WDR36: variants seen among roughly 807,000 people sequenced by gnomAD.
WDR36 encodes WD repeat domain 36, also known as WD repeat-containing protein 36.
In WDR36, 63 loss-of-function variants were observed where a neutral mutation model predicts 112.7. That is an observed-to-expected ratio of 0.56 (90% CI 0.46 to 0.69). The LOEUF (loss-of-function observed/expected upper bound fraction) is 0.69, where lower values mean the gene tolerates loss of function less well. WDR36 is among the 30% of genes least tolerant of loss of function. The probability of loss-of-function intolerance (pLI) is 0.00; values close to 1 mark genes in which losing one functional copy is unlikely to be tolerated. For missense variants in WDR36, 1,226 were observed against 1,070.3 expected (o/e 1.15, Z -2.03); for synonymous variants, 410 against 362.2 (o/e 1.13, Z -1.50).
In WDR36 at chr5:111,129,475, G is replaced by A. The variant is rs533723449; in HGVS notation, c.*2592G>A. On this transcript the variant is annotated 3_prime_UTR_variant, in exon 23 of 23. Coordinates refer to ENST00000513710, the MANE Select transcript of WDR36 (RefSeq NM_139281.3). ...TTTAAATCAGAAATTTCTCACTAGT[G>A]AAGATGGACATATTTTTGTATGTTT... 6.2e-5 allele frequency: 12 copies of A among 192,962 alleles called. No homozygotes were observed. The highest frequency in any genetic ancestry group is 2.5e-4 in the African/African-American group (11 of 43,210). The allele number at this position is 192,962 out of a possible 1,614,324, so 12.0% of individuals were successfully genotyped here. A position where few individuals can be genotyped will look rare whatever the true frequency, so the allele number is the denominator to read the frequency against.
intron 4 of WDR36, among the ~76,000 whole-genome samples, chr5:111,100,300 C>G (rs1422634558): frequency 2.0e-5 from 3 of 150,882 alleles, no homozygotes; most frequent in Admixed American, 1.3e-4. Flanking sequence ...TTTTTTTTAA[C>G]TTTATTATCC....
chr5:111,102,586 A>G (rs1753142735), intron 6 of WDR36, among the ~76,000 whole-genome samples, 187 bp downstream of exon 6: 1 of 151,800 alleles, frequency 6.6e-6, no homozygotes, highest in Non-Finnish European at 1.5e-5. Context: ...TGCCTTTGCC[A>G]ATAACACTTA....
At position 111,099,463 on chromosome 5, in the gene WDR36, G is replaced by GTTTTTTTTTTT. The variant is rs67437234; in HGVS notation, c.409+635_409+645dup. On this transcript the variant is annotated intron_variant, in intron 4 of 22. Transcript: ENST00000513710. The stretch of plus-strand genomic sequence containing the variant: ...TTGGTTTTTTTTTGTTTTTTTTTTT[G>GTTTTTTTTTTT]TTTTTTTTTTTTTTTTTTTTTCAGT... Among the ~76,000 whole-genome samples the GTTTTTTTTTTT allele has an allele frequency of 4.1e-3, 347 of 84,676 alleles. 2 individuals carry two copies. Among genetic ancestry groups the GTTTTTTTTTTT allele is most frequent in the Non-Finnish European group, 5.9e-3 (238 of 40,232 alleles). 55.6% of individuals were successfully genotyped at this position (84,676 alleles called of 152,430 possible).
rs781534721 is a variant in WDR36 at position 111,098,740 on chromosome 5, G to A, written c.310G>A (p.Gly104Ser). Residue 104 changes from glycine to serine, a missense_variant, in exon 4 of 23, where the codon GGT becomes AGT. Gly to Ser is a moderately conservative substitution (Grantham distance 56, BLOSUM62 0). Transcript: ENST00000513710. ...GTTTTAGATAGTACATACCTTTAAG[G>A]GTCATAAGGCAGAAATCCATTTCTT... ...RNKEIVHTFK[G>S]HKAEIHFLQP... The A allele has an allele frequency of 6.2e-7, 1 of 1,607,124 alleles. No individual in the cohort carries two copies. Among genetic ancestry groups the A allele is most frequent in the Non-Finnish European group, 8.5e-7 (1 of 1,174,054 alleles).
chr5:111,120,423 A>C, intron 17 of WDR36, 73 bp from the exon 18 acceptor site: 1 of 1,193,666 alleles, frequency 8.4e-7, no homozygotes, highest in Non-Finnish European at 1.2e-6. Flanking sequence ...AGTCAAATTC[A>C]AGATTGTAGA....
At position 111,127,115 on chromosome 5, in the gene WDR36, T is replaced by C; in HGVS notation, c.*232T>C. ...ACTTTCAGAGGCCAAAGCGGGAGGA[T>C]TGCTTGAAGCCAGGAATTTGAGCCC... On this transcript the variant is annotated 3_prime_UTR_variant, in exon 23 of 23. Transcript: ENST00000513710. 1 of 394,212 alleles carries C rather than the reference T, an allele frequency of 2.5e-6. No homozygotes were observed. The highest frequency in any genetic ancestry group is 4.2e-5 in the East Asian group (1 of 23,922). 24.4% of individuals were successfully genotyped at this position (394,212 alleles called of 1,614,324 possible).
At chr5:111,118,947 A>T in intron 16 of WDR36, 66 bp from the exon 17 acceptor site, 3 of 1,363,258 alleles carry the variant, frequency 2.2e-6, no homozygotes, top group Non-Finnish European at 3.1e-6. Context: ...TGGCAAAAAT[A>T]TTTTTGTGAA....
Position 111,107,299 on chromosome 5 carries a change from G to A in WDR36, c.1186G>A (p.Ala396Thr). ...PPITKFAAEE[A>T]RESDWDGIIA... ...TGATTTTCATTACGTTTTAGAGGAA[G>A]CTCGTGAAAGTGACTGGGATGGTAT... Residue 396 changes from alanine to threonine, a missense_variant, in exon 12 of 23, where the codon GCT becomes ACT. Transcript: ENST00000513710. The A allele has an allele frequency of 6.2e-7, 1 of 1,609,628 alleles. No homozygotes were observed. The highest frequency in any genetic ancestry group is 8.5e-7 in the Non-Finnish European group (1 of 1,177,192).
chr5:111,099,927 T>C (rs1471311251), intron 4 of WDR36, among the ~76,000 whole-genome samples: 2 of 152,070 alleles, frequency 1.3e-5, no homozygotes, highest in Admixed American at 1.3e-4. Context: ...GTTTTAATCA[T>C]GGAGGAACTG....
At chr5:111,125,397 T>C (rs931194455) in intron 21 of WDR36, among the ~76,000 whole-genome samples, 4 of 152,204 alleles carry the variant, frequency 2.6e-5, no homozygotes, top group Non-Finnish European at 4.4e-5. Flanking sequence ...AAAATGTGTT[T>C]TGAGTACTTT....
chr5:111,096,480 G>C lies in WDR36; in HGVS notation c.191-599G>C, dbSNP rs1216914970. ...GCACTTTGGAAGGCCGAGGTGGGCA[G>C]ATCACCTGAGGTCAGGAGTTCAAGA... On this transcript the variant is annotated intron_variant, in intron 2 of 22. Coordinates refer to ENST00000513710, the MANE Select transcript of WDR36 (RefSeq NM_139281.3). Among the ~76,000 whole-genome samples, 5 of 152,170 alleles carry C rather than the reference G, an allele frequency of 3.3e-5. No individual in the cohort carries two copies. In the East Asian group the frequency reaches 9.6e-4, roughly 29 times the overall value.
intron 6 of WDR36, 49 bp from the exon 7 acceptor site, chr5:111,103,737 A>G: frequency 6.2e-7 from 1 of 1,604,714 alleles, no homozygotes; most frequent in Non-Finnish European, 8.5e-7. Context: ...CAGGATTATT[A>G]AAGCTATTTT....
At chr5:111,120,873 TAAATG>T (rs1019253751) in intron 18 of WDR36, 118 bp from the exon 19 acceptor site, 1 of 905,812 alleles carries the variant, frequency 1.1e-6, no homozygotes, top group African/African-American at 1.7e-5. Flanking sequence ...GTAAATGAAA[TAAATG>T]AACAGTCTAC....
chr5:111,096,184 A>G (rs1173227656), intron 2 of WDR36, among the ~76,000 whole-genome samples: 1 of 152,216 alleles, frequency 6.6e-6, no homozygotes, highest in African/African-American at 2.4e-5. Flanking sequence ...TGACCAGGAT[A>G]CTGAGAGAAG....
At position 111,092,355 on chromosome 5, in the gene WDR36, C is replaced by T. The variant is rs374180797; in HGVS notation, c.-102C>T. 2 of 1,614,102 alleles carry T rather than the reference C, an allele frequency of 1.2e-6. No homozygotes were observed. The highest frequency in any genetic ancestry group is 8.5e-7 in the Non-Finnish European group (1 of 1,180,052). ...GCGGGCGCCGGAAGCGGTGTTGTGT[C>T]TGCAGCTCTGGCAGAGGACTGTTCC... On this transcript the variant is annotated 5_prime_UTR_variant, in exon 1 of 23. Coordinates refer to ENST00000513710, the MANE Select transcript of WDR36 (RefSeq NM_139281.3).
rs768394533 is a variant in WDR36, at chr5:111,124,164, T to C, written c.2325T>C (p.Leu775=). 1 of 1,612,620 alleles carries C rather than the reference T, an allele frequency of 6.2e-7. No homozygotes were observed. The highest frequency in any genetic ancestry group is 8.5e-7 in the Non-Finnish European group (1 of 1,179,406). ...LAQKSDFCLK[L]EEGLVNNKYD... ...AAAAATCAGATTTCTGCTTGAAACT[T>C]GAAGAAGGACTGGTAAATAATAAGT... is the stretch of plus-strand genomic sequence containing the variant. The change falls in exon 21 of 23, where the codon CTT becomes CTC. Residue 775 remains leucine (L), a synonymous_variant. Transcript: ENST00000513710.
intron 11 of WDR36, among the ~76,000 whole-genome samples, chr5:111,106,867 TTTG>T (rs1263376962): frequency 2.0e-5 from 3 of 151,302 alleles, no homozygotes; most frequent in Non-Finnish European, 4.4e-5. Context: ...TGTCCTCCGT[TTTG>T]TTCATTTTTT....
At chr5:111,121,238 A>T in intron 19 of WDR36, 97 bp downstream of exon 19, 1 of 1,303,828 alleles carries the variant, frequency 7.7e-7, no homozygotes, top group Non-Finnish European at 1.1e-6. Context: ...AGGGCATTAG[A>T]AGAGCAATTA....
chr5:111,120,397 A>G lies in WDR36; in HGVS notation c.1905-99A>G, dbSNP rs1753541282. 5.3e-6 allele frequency: 5 copies of G among 945,440 alleles called. No homozygotes were observed. In the Admixed American group the frequency reaches 9.5e-5, roughly 18 times the overall value. 58.6% of individuals were successfully genotyped at this position (945,440 alleles called of 1,614,324 possible). A position where few individuals can be genotyped will look rare whatever the true frequency, so the allele number is the denominator to read the frequency against. On this transcript the variant is annotated intron_variant, in intron 17 of 22. Coordinates refer to ENST00000513710, the MANE Select transcript of WDR36 (RefSeq NM_139281.3). ...CAATCTATCTTTGAGGTATTTTTTA[A>G]CTAATAAAAGTCTGTAGTCAAATTC... is the stretch of plus-strand genomic sequence containing the variant.
Sources: gnomAD v4.1 joint callset for allele counts (sites outside exome capture counted in the v4.1 genomes callset) on GRCh38, gnomAD v4.1.1 for gene constraint, MANE v1.5 for transcripts, NCBI Gene and HGNC (gene_info 2026-07-23, HGNC 2026-07-21) for gene names.